ERV3-1: variants seen among roughly 807,000 people sequenced by gnomAD.
ERV3-1 encodes endogenous retrovirus group 3 member 1, envelope, also known as endogenous retrovirus group 3 member 1 Env polyprotein.
In ERV3-1, 36 loss-of-function variants were observed where a neutral mutation model predicts 24.6. That is an observed-to-expected ratio of 1.47 (90% CI 1.12 to 1.94). The LOEUF is 1.94. Among genes scored for constraint, ERV3-1 ranks in the 30% most tolerant of loss-of-function variants. The pLI is 0.00. For synonymous variants in ERV3-1, 211 were observed against 122.6 expected (o/e 1.72, Z -4.76); for missense variants, 578 against 330.9 (o/e 1.75, Z -5.79).
At chr7:65,001,661 C>T (rs1026029153) in intron 1 of ERV3-1, among the ~76,000 whole-genome samples, 1 of 152,184 alleles carries the variant, frequency 6.6e-6, no homozygotes, top group Non-Finnish European at 1.5e-5. Flanking sequence ...GGCAGTGTGA[C>T]AGCCTGTGTA....
In ERV3-1 at chr7:64,992,913, C is replaced by A; in HGVS notation, c.114G>T (p.Gly38=). 1 of 766,392 alleles carries A rather than the reference C, an allele frequency of 1.3e-6. No individual in the cohort carries two copies. The highest frequency in any genetic ancestry group is 2.4e-6 in the Non-Finnish European group (1 of 417,908). The allele number at this position is 766,392 out of a possible 1,614,324, so 47.5% of individuals were successfully genotyped here. A position where few individuals can be genotyped will look rare whatever the true frequency, so the allele number is the denominator to read the frequency against. ...ACAACAGGGTTTTAGTCATGATGTTCCCCGACCACGTAGTGTGGGTGCAGT... is the reference window on the plus strand; with the variant it reads ...ACAACAGGGTTTTAGTCATGATGTTACCCGACCACGTAGTGTGGGTGCAGT... ...CLHCTHTTWS[G]NIMTKTLLYH... is the part of the protein sequence containing the mutation. The change falls in exon 2 of 2, where the codon GGG becomes GGT. Residue 38 remains glycine (G), a synonymous_variant. Transcript: ENST00000394323.
At position 64,990,356 on chromosome 7, in the gene ERV3-1, T is replaced by A. The variant is rs1786236069; in HGVS notation, c.*856A>T. 5.8e-6 allele frequency: 1 copy of A among 171,152 alleles called. No individual in the cohort carries two copies. Among genetic ancestry groups the A allele is most frequent in the Non-Finnish European group, 1.2e-5 (1 of 80,562 alleles). 10.6% of individuals were successfully genotyped at this position (171,152 alleles called of 1,614,324 possible). ...GGAATCAGGAGGCCGGAGAGATCAC[T>A]GGGTGCAACAGGAAGGTTTTATTTA... On this transcript the variant is annotated 3_prime_UTR_variant, in exon 2 of 2. Coordinates refer to ENST00000394323, the MANE Select transcript of ERV3-1 (RefSeq NM_001007253.4).
intron 1 of ERV3-1, among the ~76,000 whole-genome samples, chr7:64,994,142 G>T (rs535349750): frequency 6.6e-6 from 1 of 152,318 alleles, no homozygotes; most frequent in East Asian, 1.9e-4. Context: ...ACAGGGCATG[G>T]TTCCTATTTC....
intron 1 of ERV3-1, among the ~76,000 whole-genome samples, chr7:64,999,183 C>T (rs1297169393): frequency 6.6e-6 from 1 of 152,124 alleles, no homozygotes; most frequent in African/African-American, 2.4e-5. Context: ...AATGCACTGT[C>T]AGGGAGGGGC....
At chr7:65,006,208 A>AT in intron 1 of ERV3-1, 1 of 335,336 alleles carries the variant, frequency 3.0e-6, no homozygotes, top group East Asian at 6.2e-5. Context: ...TGAACTCTGC[A>AT]TCCTGAGTCA....
rs1231357605 is a variant in ERV3-1 at position 64,992,562 on chromosome 7, A to G, written c.465T>C (p.Ala155=). The change falls in exon 2 of 2, where the codon GCT becomes GCC. Residue 155 remains alanine (A), a synonymous_variant. Transcript: ENST00000394323. ...TTGTTACTGGGGAATCGGTGGAACA[A>G]GCAGGGTGTGCATACCTATTTTTAT... ...SCHKNRYAHP[A]CSTDSPVTTC... The G allele has an allele frequency of 1.3e-6, 1 of 766,432 alleles. No individual in the cohort carries two copies. The highest frequency in any genetic ancestry group is 1.7e-5 in the Admixed American group (1 of 59,032). 47.5% of individuals were successfully genotyped at this position (766,432 alleles called of 1,614,324 possible).
Position 65,006,654 on chromosome 7 carries a change from G to A in ERV3-1, c.-502C>T, listed in dbSNP as rs781750846. ...GGAGCAGAAGACACAGAGCAGTGAA[G>A]ACTACACCAGAAGCTCCGGCTGCCG... On this transcript the variant is annotated 5_prime_UTR_variant, in exon 1 of 2. Coordinates refer to ENST00000394323, the MANE Select transcript of ERV3-1 (RefSeq NM_001007253.4). 7 of 1,516,834 alleles carry A rather than the reference G, an allele frequency of 4.6e-6. No individual in the cohort carries two copies. In the Admixed American group the frequency reaches 5.1e-5, roughly 11 times the overall value. 94.0% of individuals were successfully genotyped at this position (1,516,834 alleles called of 1,614,324 possible).
rs779338346 is a variant in ERV3-1 at position 64,992,342 on chromosome 7, T to G, written c.685A>C (p.Ile229Leu). ...AGATAGACATAGGCTCCTGGGCCAA[T>G]TTCTTCACCGCTGACTCGTGCCCCT... ...PLGARVSGEE[I>L]GPGAYVYLYI... is the part of the protein sequence containing the mutation. The change falls in exon 2 of 2, where the codon ATT becomes CTT. Residue 229 changes from isoleucine (I) to leucine (L), a missense_variant. Transcript: ENST00000394323. 3 of 766,274 alleles carry G rather than the reference T, an allele frequency of 3.9e-6. No homozygotes were observed. The highest frequency in any genetic ancestry group is 7.2e-6 in the Non-Finnish European group (3 of 417,922). 47.5% of individuals were successfully genotyped at this position (766,274 alleles called of 1,614,324 possible). A position where few individuals can be genotyped will look rare whatever the true frequency, so the allele number is the denominator to read the frequency against.
At chr7:65,001,075 C>T (rs902854557) in intron 1 of ERV3-1, among the ~76,000 whole-genome samples, 9 of 151,962 alleles carry the variant, frequency 5.9e-5, no homozygotes, top group African/African-American at 2.2e-4. Context: ...TCAAAGAATA[C>T]CTGTTTGGTG....
At chr7:64,995,751 C>A (rs887697108) in intron 1 of ERV3-1, among the ~76,000 whole-genome samples, 1 of 152,154 alleles carries the variant, frequency 6.6e-6, no homozygotes, top group Non-Finnish European at 1.5e-5. Context: ...TACTCTATAC[C>A]CTGCTTTCCA....
chr7:64,991,908 T>C lies in ERV3-1; in HGVS notation c.1119A>G (p.Gly373=), dbSNP rs759790572. 3 of 766,396 alleles carry C rather than the reference T, an allele frequency of 3.9e-6. No homozygotes were observed. The South Asian group carries it at 4.0e-5, about 10-fold the overall frequency. The allele number at this position is 766,396 out of a possible 1,614,324, so 47.5% of individuals were successfully genotyped here. Residue 373 remains glycine, a synonymous_variant, in exon 2 of 2, where the codon GGA becomes GGG. Coordinates refer to ENST00000394323, the MANE Select transcript of ERV3-1 (RefSeq NM_001007253.4). ...TGCTTTTGCCCCTCCATAAAGTCTT[T>C]CCTAGTGTCTCGTTGTAATATTGTT... The part of the protein sequence containing the change: ...LGQQYYNETL[G]KTLWRGKSNN...
chr7:64,994,586 G>A (rs1786361067), intron 1 of ERV3-1, among the ~76,000 whole-genome samples: 2 of 152,246 alleles, frequency 1.3e-5, no homozygotes, highest in East Asian at 3.9e-4. Flanking sequence ...CTGCCCTCTG[G>A]TGTCCCCTGC....
At chr7:65,000,801 A>G (rs1035811807) in intron 1 of ERV3-1, among the ~76,000 whole-genome samples, 3 of 152,144 alleles carry the variant, frequency 2.0e-5, no homozygotes, top group African/African-American at 7.2e-5. Flanking sequence ...TGAATAAAAT[A>G]AAATAAAATA....
At position 64,992,426 on chromosome 7, in the gene ERV3-1, T is replaced by A; in HGVS notation, c.601A>T (p.Asn201Tyr). The change falls in exon 2 of 2, where the codon AAT (asparagine) becomes TAT (tyrosine). Residue 201 changes from asparagine to tyrosine, a missense_variant. Physicochemically the swap from Asn to Tyr is moderately radical, Grantham distance 143. Coordinates refer to ENST00000394323, the MANE Select transcript of ERV3-1 (RefSeq NM_001007253.4). ...DCKTSTCNSV[N>Y]LTILEPDQPI... is the part of the protein sequence containing the mutation. ...TGATCTGGCTCTAAGATGGTAAGAT[T>A]TACAGAATTGCAAGTGCTTGTTTTA... The A allele has an allele frequency of 1.3e-6, 1 of 766,394 alleles. No homozygotes were observed. Among genetic ancestry groups the A allele is most frequent in the East Asian group, 2.4e-5 (1 of 41,236 alleles). 47.5% of individuals were successfully genotyped at this position (766,394 alleles called of 1,614,324 possible). A position where few individuals can be genotyped will look rare whatever the true frequency, so the allele number is the denominator to read the frequency against.
chr7:64,993,238 G>A lies in ERV3-1; in HGVS notation c.-212C>T, dbSNP rs576611077. On this transcript the variant is annotated 5_prime_UTR_variant, in exon 2 of 2. Transcript: ENST00000394323. The stretch of plus-strand genomic sequence containing the variant: ...TTGTCTCCTCAAGCTTCAGCCGTGT[G>A]TGGACTGGTCAGCTTCCGGAGTGAC... The A allele has an allele frequency of 1.7e-4, 91 of 537,748 alleles. No individual in the cohort carries two copies. The highest frequency in any genetic ancestry group is 1.1e-3 in the African/African-American group (56 of 52,948). 33.3% of individuals were successfully genotyped at this position (537,748 alleles called of 1,614,324 possible).
At position 64,992,906 on chromosome 7, in the gene ERV3-1, T is replaced by C. The variant is rs760221109; in HGVS notation, c.121A>G (p.Met41Val). The C allele has an allele frequency of 7.8e-6, 6 of 766,330 alleles. No homozygotes were observed. Among genetic ancestry groups the C allele is most frequent in the Middle Eastern group, 2.2e-4 (1 of 4,462 alleles). The allele number at this position is 766,330 out of a possible 1,614,324, so 47.5% of individuals were successfully genotyped here. Reference protein sequence around the residue: ...CTHTTWSGNIMTKTLLYHTYY... With the variant: ...CTHTTWSGNIVTKTLLYHTYY... Reference sequence around the variant, plus strand: ...GTGTGATACAACAGGGTTTTAGTCATGATGTTCCCCGACCACGTAGTGTGG... The same window carrying C: ...GTGTGATACAACAGGGTTTTAGTCACGATGTTCCCCGACCACGTAGTGTGG... Residue 41 changes from methionine (M) to valine (V), a missense_variant, in exon 2 of 2, where the codon ATG (methionine) becomes GTG (valine). Met to Val is a conservative substitution (Grantham distance 21, BLOSUM62 1). Transcript: ENST00000394323.
intron 1 of ERV3-1, among the ~76,000 whole-genome samples, chr7:64,999,600 G>T (rs939360138): frequency 3.9e-5 from 6 of 152,294 alleles, no homozygotes; most frequent in Non-Finnish European, 4.4e-5. Flanking sequence ...TTTGCAACAT[G>T]ACCCTATCTT....
At chr7:64,998,668 C>T (rs1786454778) in intron 1 of ERV3-1, among the ~76,000 whole-genome samples, 2 of 152,196 alleles carry the variant, frequency 1.3e-5, no homozygotes, top group Non-Finnish European at 2.9e-5. Context: ...GTGTCCCTTG[C>T]AGGAGTATTT....
chr7:64,993,127 T>G lies in ERV3-1; in HGVS notation c.-101A>C, dbSNP rs1786321577. The G allele has an allele frequency of 1.6e-6, 1 of 609,958 alleles. No individual in the cohort carries two copies. The highest frequency in any genetic ancestry group is 2.9e-6 in the Non-Finnish European group (1 of 341,744). 37.8% of individuals were successfully genotyped at this position (609,958 alleles called of 1,614,324 possible). ...AAGGAAAATTACTGGACTTCAGATT[T>G]CTAACCACATTTACTTCCCTGATGA... is the stretch of plus-strand genomic sequence containing the variant. On this transcript the variant is annotated 5_prime_UTR_variant, in exon 2 of 2. Transcript: ENST00000394323.
Sources: allele counts gnomAD v4.1 joint callset (sites outside exome capture counted in the v4.1 genomes callset), GRCh38; gene constraint gnomAD v4.1.1; transcripts MANE v1.5; gene names NCBI Gene and HGNC (gene_info 2026-07-23, HGNC 2026-07-21).